The following LPCAT1 variants were observed in gnomAD, a reference collection of about 807,000 sequenced individuals.
LPCAT1 encodes lysophosphatidylcholine acyltransferase 1.
Under a neutral mutation model 60.9 loss-of-function variants are expected in LPCAT1, and 23 were observed. The ratio of observed to expected loss-of-function variants is 0.38; its 90% CI spans 0.27 to 0.53. LPCAT1 has a LOEUF of 0.53. LPCAT1 is among the 20% of genes least tolerant of loss of function. The pLI, the probability that LPCAT1 is intolerant of heterozygous loss-of-function variation, is 0.82. For missense variants in LPCAT1, 622 were observed against 723.6 expected, an observed-to-expected ratio of 0.86 and a Z score of 1.61; for synonymous variants, 340 against 301.1, an observed-to-expected ratio of 1.13 and a Z score of -1.34.
chr5:1,505,365 G>GC (rs1446486200), intron 1 of LPCAT1, among the ~76,000 whole-genome samples: 15 of 151,934 alleles, frequency 9.9e-5, no homozygotes, highest in African/African-American at 3.6e-4. Context: ...AGCACCGACT[G>GC]CAACACTGCT....
chr5:1,509,002 A>T (rs1233054256), intron 1 of LPCAT1, among the ~76,000 whole-genome samples: 1 of 152,284 alleles, frequency 6.6e-6, no homozygotes, highest in Non-Finnish European at 1.5e-5. Flanking sequence ...GGTGCCCGAC[A>T]GGGGTGCTGC....
intron 12 of LPCAT1, among the ~76,000 whole-genome samples, chr5:1,469,535 G>C (rs1356719093): frequency 6.6e-6 from 1 of 152,220 alleles, no homozygotes; most frequent in Non-Finnish European, 1.5e-5. Context: ...CCAGCACTTT[G>C]GGATGCTGAG....
intron 1 of LPCAT1, among the ~76,000 whole-genome samples, chr5:1,509,807 G>A (rs1736300142): frequency 6.6e-6 from 1 of 152,204 alleles, no homozygotes; most frequent in Non-Finnish European, 1.5e-5. Flanking sequence ...GACAGGAAAT[G>A]TGAAAAAGTG....
chr5:1,502,611 C>T lies in LPCAT1; in HGVS notation c.136-1008G>A, dbSNP rs1450198655. ...CAGCCCAGGGTCTGAGGATGGAGGT[C>T]CCTCCGGGAGGCGGGCAGGACTCCG... On this transcript the variant is annotated intron_variant, in intron 1 of 13. Coordinates refer to ENST00000283415, the MANE Select transcript of LPCAT1 (RefSeq NM_024830.5). This position sits in a 1 kb window ranked among gnomAD's most constrained non-coding sequence, Gnocchi z 5.5. Among the ~76,000 whole-genome samples, 3 of 152,126 alleles carry T rather than the reference C, an allele frequency of 2.0e-5. No individual in the cohort carries two copies. The highest frequency in any genetic ancestry group is 2.9e-5 in the Non-Finnish European group (2 of 68,010).
chr5:1,484,045 C>T (rs947638015), intron 5 of LPCAT1, among the ~76,000 whole-genome samples: 2 of 152,364 alleles, frequency 1.3e-5, no homozygotes, highest in African/African-American at 4.8e-5. Flanking sequence ...ACACCTGCCT[C>T]GGGGCCCCAC....
chr5:1,515,335 C>G (rs1053662050), intron 1 of LPCAT1, among the ~76,000 whole-genome samples: 2 of 152,068 alleles, frequency 1.3e-5, no homozygotes, highest in African/African-American at 2.4e-5. Context: ...TCCGAACTGG[C>G]TGCAGATACA....
At chr5:1,472,774 G>A (rs766975479) in intron 11 of LPCAT1, among the ~76,000 whole-genome samples, 2 of 152,058 alleles carry the variant, frequency 1.3e-5, no homozygotes, top group African/African-American at 2.4e-5. Context: ...CAGCTGCCTC[G>A]TAGTAGAGGG....
At chr5:1,498,531 GCACA>G (rs994434411) in intron 2 of LPCAT1, among the ~76,000 whole-genome samples, 1 of 150,830 alleles carries the variant, frequency 6.6e-6, no homozygotes, top group African/African-American at 2.5e-5. Context: ...ATACTCACAT[GCACA>G]CACACACTCA....
chr5:1,479,800 C>T, intron 7 of LPCAT1, 125 bp from the exon 8 acceptor site: 2 of 724,308 alleles, frequency 2.8e-6, no homozygotes, highest in South Asian at 1.6e-5. Flanking sequence ...AGTCAACGCT[C>T]CCACGGAGGG....
In LPCAT1 at chr5:1,494,361, G is replaced by A. The variant is rs189459025; in HGVS notation, c.493+339C>T. On this transcript the variant is annotated intron_variant, in intron 3 of 13. Coordinates refer to ENST00000283415, the MANE Select transcript of LPCAT1 (RefSeq NM_024830.5). ...AGGAAACCCCAACACAGAAAATGGGGCACAAGGCCAATGTGCCCGGCGGTG... is the reference window on the plus strand; with the variant it reads ...AGGAAACCCCAACACAGAAAATGGGACACAAGGCCAATGTGCCCGGCGGTG... 1.5e-3 allele frequency among the ~76,000 whole-genome samples: 234 copies of A among 152,278 alleles called. 1 individual carries two copies. Among genetic ancestry groups the A allele is most frequent in the African/African-American group, 5.5e-3 (227 of 41,546 alleles).
intron 12 of LPCAT1, among the ~76,000 whole-genome samples, chr5:1,468,858 G>C (rs1001817585): frequency 6.6e-6 from 1 of 152,202 alleles, no homozygotes; most frequent in Non-Finnish European, 1.5e-5. Context: ...AGAGCAGCAC[G>C]CTGGTGCACT....
chr5:1,492,353 G>A (rs1735620435), intron 3 of LPCAT1, among the ~76,000 whole-genome samples: 1 of 151,882 alleles, frequency 6.6e-6, no homozygotes, highest in South Asian at 2.1e-4. Context: ...CTCTGAGCTG[G>A]GACCTGGGGA....
Position 1,502,772 on chromosome 5 carries a change from C to T in LPCAT1, c.136-1169G>A, listed in dbSNP as rs1736065291. 6.6e-6 allele frequency among the ~76,000 whole-genome samples: 1 copy of T among 152,110 alleles called. No homozygotes were observed. The highest frequency in any genetic ancestry group is 2.4e-5 in the African/African-American group (1 of 41,410). On this transcript the variant is annotated intron_variant, in intron 1 of 13. Coordinates refer to ENST00000283415, the MANE Select transcript of LPCAT1 (RefSeq NM_024830.5). This position sits in a 1 kb window ranked among gnomAD's most constrained non-coding sequence, Gnocchi z 5.5. Reference sequence around the variant, plus strand: ...CAGCAGCCATCCCTAATTTCTGATGCCTGTCATGAGAGCGCTCCCACTCTG... The same window carrying T: ...CAGCAGCCATCCCTAATTTCTGATGTCTGTCATGAGAGCGCTCCCACTCTG...
chr5:1,466,289 C>G (rs1306276165), intron 13 of LPCAT1, among the ~76,000 whole-genome samples: 1 of 152,206 alleles, frequency 6.6e-6, no homozygotes, highest in Admixed American at 6.5e-5. Flanking sequence ...GGTGACTTTT[C>G]TCGGGAGGAA....
In LPCAT1 at chr5:1,502,599, G is replaced by A. The variant is rs539412859; in HGVS notation, c.136-996C>T. ...CGGGATCCCAGGCAGCCCAGGGTCTGAGGATGGAGGTCCCTCCGGGAGGCG... is the reference window on the plus strand; with the variant it reads ...CGGGATCCCAGGCAGCCCAGGGTCTAAGGATGGAGGTCCCTCCGGGAGGCG... On this transcript the variant is annotated intron_variant, in intron 1 of 13. Coordinates refer to ENST00000283415, the MANE Select transcript of LPCAT1 (RefSeq NM_024830.5). The surrounding 1 kb of genome is among the most constrained non-coding windows in gnomAD (Gnocchi z 5.5). Among the ~76,000 whole-genome samples, 2 of 152,352 alleles carry A rather than the reference G, an allele frequency of 1.3e-5. No individual in the cohort carries two copies. Among genetic ancestry groups the A allele is most frequent in the East Asian group, 1.9e-4 (1 of 5,180 alleles).
At chr5:1,482,832 C>A (rs1735213504) in intron 6 of LPCAT1, among the ~76,000 whole-genome samples, 1 of 152,084 alleles carries the variant, frequency 6.6e-6, no homozygotes, top group Non-Finnish European at 1.5e-5. Context: ...CTCGTCCAGA[C>A]TTTCTCCCAA....
intron 1 of LPCAT1, among the ~76,000 whole-genome samples, chr5:1,501,863 A>G (rs1736026709): frequency 6.6e-6 from 1 of 152,140 alleles, no homozygotes; most frequent in Admixed American, 6.5e-5. Context: ...ACCGGCACTG[A>G]CCAAGGCTGA....
chr5:1,488,388 T>A lies in LPCAT1; in HGVS notation c.667+3A>T. ...AAAATAAACATTTAAGAAAACTACA[T>A]ACCAGGTTTGAAGGTAATTAGGCAG... On this transcript the variant is annotated splice_donor_region_variant and intron_variant, in intron 5 of 13. Coordinates refer to ENST00000283415, the MANE Select transcript of LPCAT1 (RefSeq NM_024830.5). The A allele has an allele frequency of 6.4e-7, 1 of 1,562,402 alleles. No homozygotes were observed. The highest frequency in any genetic ancestry group is 8.7e-7 in the Non-Finnish European group (1 of 1,150,040).
At chr5:1,499,525 T>C (rs1454753270) in intron 2 of LPCAT1, among the ~76,000 whole-genome samples, 1 of 152,212 alleles carries the variant, frequency 6.6e-6, no homozygotes, top group African/African-American at 2.4e-5. Context: ...CAATTCCTAT[T>C]TTATGGTTAA....
Sources: gnomAD v4.1 joint callset for allele counts (sites outside exome capture counted in the v4.1 genomes callset) on GRCh38, gnomAD v4.1.1 for gene constraint, Gnocchi (gnomAD v3.1) non-coding constraint, MANE v1.5 for transcripts, NCBI Gene and HGNC (gene_info 2026-07-23, HGNC 2026-07-21) for gene names.